The following BBX variants were observed in gnomAD, a reference collection of about 807,000 sequenced individuals.
BBX encodes BBX high mobility group box domain containing.
In BBX, 30 loss-of-function variants were observed where a neutral mutation model predicts 100.2. The observed-to-expected ratio is 0.30, with a 90% CI of 0.22 to 0.41. The LOEUF (loss-of-function observed/expected upper bound fraction) is 0.41, where lower values mean the gene tolerates loss of function less well. BBX is among the 10% of genes least tolerant of loss of function. The probability of loss-of-function intolerance (pLI) is 1.00; values close to 1 mark genes in which losing one functional copy is unlikely to be tolerated. For synonymous variants in BBX, 376 were observed against 388.1 expected, an observed-to-expected ratio of 0.97 and a Z score of 0.37; for missense variants, 1,023 against 1,129.8, an observed-to-expected ratio of 0.91 and a Z score of 1.35.
At chr3:107,757,854 G>C (rs2065606673) in intron 10 of BBX, among the ~76,000 whole-genome samples, 1 of 152,126 alleles carries the variant, frequency 6.6e-6, no homozygotes, top group Admixed American at 6.5e-5. Flanking sequence ...ATTGGTGATG[G>C]TGTCTGCAAT....
At chr3:107,561,602 C>T (rs1200759805) in intron 2 of BBX, among the ~76,000 whole-genome samples, 9 of 152,148 alleles carry the variant, frequency 5.9e-5, no homozygotes, top group East Asian at 1.9e-4. Flanking sequence ...ATAGAAAATA[C>T]GCATATTGCA....
chr3:107,639,172 A>AT (rs1365408984), intron 2 of BBX, among the ~76,000 whole-genome samples: 1 of 152,154 alleles, frequency 6.6e-6, no homozygotes, highest in East Asian at 1.9e-4. Context: ...TTTGGACTAA[A>AT]TTTTTTTATT....
chr3:107,659,196 T>C (rs2058310339), intron 3 of BBX, among the ~76,000 whole-genome samples: 1 of 151,964 alleles, frequency 6.6e-6, no homozygotes, highest in African/African-American at 2.4e-5. Flanking sequence ...CATTTTATTA[T>C]GAAACTCACA....
intron 3 of BBX, among the ~76,000 whole-genome samples, chr3:107,665,412 A>G (rs1026402638): frequency 6.6e-6 from 1 of 152,100 alleles, no homozygotes; most frequent in African/African-American, 2.4e-5. Context: ...TGACGCCACA[A>G]TTTTGTATTC....
intron 5 of BBX, among the ~76,000 whole-genome samples, chr3:107,718,513 A>T (rs1228726156): frequency 6.6e-6 from 1 of 151,880 alleles, no homozygotes; most frequent in East Asian, 1.9e-4. Context: ...AGTCATGCTT[A>T]TATAGTAAAA....
chr3:107,601,936 C>T (rs2054095544), intron 2 of BBX, among the ~76,000 whole-genome samples: 2 of 152,210 alleles, frequency 1.3e-5, no homozygotes, highest in East Asian at 1.9e-4. Context: ...GGTGCTAATG[C>T]AGCTGGTGAT....
At chr3:107,525,770 C>T (rs1322102666) in intron 1 of BBX, among the ~76,000 whole-genome samples, 1 of 152,182 alleles carries the variant, frequency 6.6e-6, no homozygotes, top group Non-Finnish European at 1.5e-5. Context: ...TTTCCCTGGT[C>T]GGTTCCTATC....
chr3:107,659,258 C>A (rs1356005136), intron 3 of BBX, among the ~76,000 whole-genome samples: 1 of 151,870 alleles, frequency 6.6e-6, no homozygotes, highest in Non-Finnish European at 1.5e-5. Flanking sequence ...TATTTTATTA[C>A]ATATCTGTCA....
intron 2 of BBX, among the ~76,000 whole-genome samples, chr3:107,571,794 G>C (rs1426069645): frequency 6.6e-6 from 1 of 152,206 alleles, no homozygotes; most frequent in Non-Finnish European, 1.5e-5. Flanking sequence ...GTGCAGGCGG[G>C]CTGAGTCCGA....
At chr3:107,563,201 AGT>A in intron 2 of BBX, among the ~76,000 whole-genome samples, 1 of 152,300 alleles carries the variant, frequency 6.6e-6, no homozygotes, top group East Asian at 1.9e-4. Context: ...TCCTTTGCCC[AGT>A]CAGGGCCTGA....
At chr3:107,532,978 G>GT (rs200723317) in intron 2 of BBX, among the ~76,000 whole-genome samples, 2,885 of 149,690 alleles carry the variant, frequency 0.019, 72 homozygotes, top group African/African-American at 0.066. Flanking sequence ...AAAACTAAAA[G>GT]TTTTTTTTTT....
chr3:107,773,521 C>A lies in BBX; in HGVS notation c.1800C>A (p.His600Gln). ...GQAKPEDSDC[H>Q]RKIETCGSRK... Reference sequence around the variant, plus strand: ...CCAAGCCTGAGGACAGTGACTGTCACAGAAAAATAGAAACTTGTGGTTCCA... The same window carrying A: ...CCAAGCCTGAGGACAGTGACTGTCAAAGAAAAATAGAAACTTGTGGTTCCA... Residue 600 changes from histidine to glutamine, a missense_variant, in exon 11 of 18, where the codon CAC becomes CAA. Coordinates refer to ENST00000325805, the MANE Select transcript of BBX (RefSeq NM_001142568.3). This position sits in a 1 kb window ranked among gnomAD's most constrained non-coding sequence, Gnocchi z 4.1. 6.2e-7 allele frequency: 1 copy of A among 1,614,056 alleles called. No homozygotes were observed. Among genetic ancestry groups the A allele is most frequent in the Non-Finnish European group, 8.5e-7 (1 of 1,179,976 alleles).
At chr3:107,743,345 C>G (rs555668795) in intron 7 of BBX, among the ~76,000 whole-genome samples, 67 of 152,128 alleles carry the variant, frequency 4.4e-4, no homozygotes, top group African/African-American at 1.6e-3. Context: ...TTTGTGGCTA[C>G]GAATTTCAGG....
chr3:107,715,237 CA>C (rs2062017951), intron 4 of BBX, among the ~76,000 whole-genome samples: 1 of 152,174 alleles, frequency 6.6e-6, no homozygotes, highest in Non-Finnish European at 1.5e-5. Context: ...ATATCAGCAT[CA>C]CCTGGGAACT....
intron 2 of BBX, among the ~76,000 whole-genome samples, chr3:107,544,248 T>C (rs2049054871): frequency 6.6e-6 from 1 of 152,196 alleles, no homozygotes; most frequent in African/African-American, 2.4e-5. Flanking sequence ...AGAAAAAAGT[T>C]ACCTCTTTTT....
chr3:107,674,588 C>T (rs2059188356), intron 3 of BBX, among the ~76,000 whole-genome samples: 1 of 152,194 alleles, frequency 6.6e-6, no homozygotes, highest in Admixed American at 6.5e-5. Context: ...CTTCTTTCCC[C>T]TGGCAGCGGT....
chr3:107,621,002 G>A (rs1434385908), intron 2 of BBX, among the ~76,000 whole-genome samples: 1 of 152,132 alleles, frequency 6.6e-6, no homozygotes, highest in Non-Finnish European at 1.5e-5. Flanking sequence ...CACCCCCTCA[G>A]TATTGGGGTT....
chr3:107,661,778 C>T, intron 3 of BBX: 1 of 636,436 alleles, frequency 1.6e-6, no homozygotes, highest in Non-Finnish European at 2.0e-6. Flanking sequence ...TGTTTCCTCT[C>T]TCTGTGTTTC....
chr3:107,694,930 G>GT (rs1230569495), intron 3 of BBX, among the ~76,000 whole-genome samples: 7 of 151,784 alleles, frequency 4.6e-5, no homozygotes, highest in African/African-American at 1.5e-4. Context: ...TTGGGAGGGT[G>GT]TATGTGTCGA....
Sources: gnomAD v4.1 joint callset for allele counts (sites outside exome capture counted in the v4.1 genomes callset) on GRCh38, gnomAD v4.1.1 for gene constraint, Gnocchi (gnomAD v3.1) non-coding constraint, MANE v1.5 for transcripts, NCBI Gene and HGNC (gene_info 2026-07-23, HGNC 2026-07-21) for gene names.